The following ZNF239 variants were observed in gnomAD, a reference collection of about 807,000 sequenced individuals.
ZNF239 encodes zinc finger protein (C2H2) homologous to mouse MOK-2.
ZNF239 carries 16 observed loss-of-function variants against 27.5 expected under a neutral mutation model. The ratio of observed to expected loss-of-function variants is 0.58; its 90% CI spans 0.39 to 0.88. ZNF239 has a LOEUF of 0.88. Ranked by LOEUF, ZNF239 falls within the 40% of genes least tolerant of loss-of-function variation. The probability of loss-of-function intolerance (pLI) is 0.00; values close to 1 mark genes in which losing one functional copy is unlikely to be tolerated. For missense variants in ZNF239, 527 were observed against 551.9 expected (o/e 0.95, Z 0.45); for synonymous variants, 199 against 192.6 (o/e 1.03, Z -0.27).
At chr10:43,566,867 C>T (rs1837688844) in intron 3 of ZNF239, among the ~76,000 whole-genome samples, 1 of 152,138 alleles carries the variant, frequency 6.6e-6, no homozygotes, top group Non-Finnish European at 1.5e-5. Context: ...TTGCCTTAGA[C>T]TAGATATCTA....
At position 43,563,504 on chromosome 10, in the gene ZNF239, T is replaced by C. The variant is rs1837415771; in HGVS notation, c.-93+4395A>G. ...AAAATTTTAATACATATACTTGTAA[T>C]GTACATACATAAGTACAGAGTCCAT... On this transcript the variant is annotated intron_variant, in intron 3 of 3. Coordinates refer to ENST00000374446, the MANE Select transcript of ZNF239 (RefSeq NM_001099282.2). Among the ~76,000 whole-genome samples, 4 of 152,348 alleles carry C rather than the reference T, an allele frequency of 2.6e-5. No individual in the cohort carries two copies. In the South Asian group the frequency reaches 8.3e-4, roughly 32 times the overall value.
At chr10:43,574,136 A>T (rs1251697126) in intron 1 of ZNF239, among the ~76,000 whole-genome samples, 4 of 152,172 alleles carry the variant, frequency 2.6e-5, no homozygotes, top group Non-Finnish European at 4.4e-5. Context: ...TCAGTCTCTT[A>T]CAGGAGCCCC....
rs775199799 is a variant in ZNF239 at position 43,557,363 on chromosome 10, T to A, written c.717A>T (p.Gln239His). The change falls in exon 4 of 4, where the codon CAA becomes CAT. Residue 239 changes from glutamine (Q) to histidine (H), a missense_variant. Transcript: ENST00000374446. The stretch of plus-strand genomic sequence containing the variant: ...AGCTCCTTGTGAAGCCCTTCCCACA[T>A]TGCTCACATTTGTAGGGTTTTTCTT... ...HTEEKPYKCE[Q>H]CGKGFTRSSS... The A allele has an allele frequency of 6.2e-7, 1 of 1,614,200 alleles. No individual in the cohort carries two copies. The highest frequency in any genetic ancestry group is 8.5e-7 in the Non-Finnish European group (1 of 1,180,032).
At chr10:43,573,842 T>A (rs1838184929) in intron 1 of ZNF239, among the ~76,000 whole-genome samples, 165 bp from the exon 2 acceptor site, 1 of 152,128 alleles carries the variant, frequency 6.6e-6, no homozygotes, top group African/African-American at 2.4e-5. Context: ...ACCACCTTCA[T>A]CTCTCTCCAC....
chr10:43,557,642 A>C lies in ZNF239; in HGVS notation c.438T>G (p.Ser146=). The C allele has an allele frequency of 6.2e-7, 1 of 1,614,192 alleles. No individual in the cohort carries two copies. The change falls in exon 4 of 4, where the codon TCT becomes TCG. Residue 146 remains serine, a synonymous_variant. Coordinates refer to ENST00000374446, the MANE Select transcript of ZNF239 (RefSeq NM_001099282.2). ...ATCQNGQLKE[S]LDPIDCNCKD... Reference sequence around the variant, plus strand: ...TGCAGTTACAGTCAATGGGATCCAAAGATTCTTTTAACTGGCCATTCTGGC... The same window carrying C: ...TGCAGTTACAGTCAATGGGATCCAACGATTCTTTTAACTGGCCATTCTGGC...
At chr10:43,573,785 T>TTC in intron 1 of ZNF239, 108 bp from the exon 2 acceptor site, 1 of 264,788 alleles carries the variant, frequency 3.8e-6, no homozygotes, top group Non-Finnish European at 5.8e-6. Context: ...TTCAGTCACT[T>TTC]CCACCCACAC....
intron 2 of ZNF239, among the ~76,000 whole-genome samples, chr10:43,569,037 G>T (rs1413404637): frequency 6.6e-6 from 1 of 152,040 alleles, no homozygotes; most frequent in East Asian, 1.9e-4. Flanking sequence ...CACTTAACAG[G>T]CCCCAACAGA....
chr10:43,557,821 G>T lies in ZNF239; in HGVS notation c.259C>A (p.Gln87Lys). Residue 87 changes from glutamine to lysine, a missense_variant, in exon 4 of 4, where the codon CAG becomes AAG. Gln to Lys is a moderately conservative substitution (Grantham distance 53). Transcript: ENST00000374446. ...AGACGTCTGCTTTCCTGATGATCCT[G>T]AGGCTCATTCTTACAGAACTTCACT... ...SSVKFCKNEPQDHQESRRLFV... is the reference protein window; with the variant it reads ...SSVKFCKNEPKDHQESRRLFV... The T allele has an allele frequency of 6.2e-7, 1 of 1,614,192 alleles. No homozygotes were observed. Among genetic ancestry groups the T allele is most frequent in the Non-Finnish European group, 8.5e-7 (1 of 1,180,038 alleles).
chr10:43,566,162 TC>T (rs1405472951), intron 3 of ZNF239, among the ~76,000 whole-genome samples: 1 of 152,110 alleles, frequency 6.6e-6, no homozygotes. Flanking sequence ...CCTGTAGCAT[TC>T]TCTTTACTCC....
chr10:43,564,433 C>T (rs1489167466), intron 3 of ZNF239: 1 of 190,678 alleles, frequency 5.2e-6, no homozygotes, highest in Non-Finnish European at 9.7e-6. Flanking sequence ...GACTTTAGGG[C>T]AACATCTGTG....
chr10:43,561,362 CAAAG>C (rs959073228), intron 3 of ZNF239, among the ~76,000 whole-genome samples: 5 of 151,816 alleles, frequency 3.3e-5, no homozygotes, highest in African/African-American at 4.8e-5. Context: ...AACAAACAAA[CAAAG>C]AAACAGAAAA....
rs368764611 is a variant in ZNF239, at chr10:43,557,318, C to G, written c.762G>C (p.Gln254His). The change falls in exon 4 of 4, where the codon CAG becomes CAC. Residue 254 changes from glutamine to histidine, a missense_variant. Transcript: ENST00000374446. Reference protein sequence around the residue: ...FTRSSSLLIHQAVHTDEKPYK... With the variant: ...FTRSSSLLIHHAVHTDEKPYK... Reference sequence around the variant, plus strand: ...AAGGCTTCTCATCTGTGTGGACTGCCTGATGGATAAGCAGACTCGAGCTCC... The same window carrying G: ...AAGGCTTCTCATCTGTGTGGACTGCGTGATGGATAAGCAGACTCGAGCTCC... 4.3e-6 allele frequency: 7 copies of G among 1,614,030 alleles called. No individual in the cohort carries two copies. In the East Asian group the frequency reaches 1.6e-4, roughly 36 times the overall value.
intron 1 of ZNF239, 110 bp downstream of exon 1, chr10:43,574,430 C>G (rs1327942043): frequency 6.6e-6 from 1 of 152,258 alleles, no homozygotes; most frequent in South Asian, 2.1e-4. Flanking sequence ...CTACCATCGC[C>G]GCCCTCCCGG....
At position 43,557,846 on chromosome 10, in the gene ZNF239, T is replaced by C. The variant is rs1836908146; in HGVS notation, c.234A>G (p.Ser78=). ...GAGGCTCATTCTTACAGAACTTCAC[T>C]GAAGAGTCTTGTGTGTCTATTTGGC... ...VSSQIDTQDS[S]VKFCKNEPQD... The change falls in exon 4 of 4, where the codon TCA becomes TCG. Residue 78 remains serine, a synonymous_variant. Coordinates refer to ENST00000374446, the MANE Select transcript of ZNF239 (RefSeq NM_001099282.2). The C allele has an allele frequency of 1.2e-6, 2 of 1,614,250 alleles. No individual in the cohort carries two copies. Among genetic ancestry groups the C allele is most frequent in the African/African-American group, 1.3e-5 (1 of 75,078 alleles).
At chr10:43,572,966 T>A (rs1425118310) in intron 2 of ZNF239, among the ~76,000 whole-genome samples, 1 of 152,162 alleles carries the variant, frequency 6.6e-6, no homozygotes, top group East Asian at 1.9e-4. Flanking sequence ...AGAGAGATAT[T>A]TCACAATAAA....
chr10:43,572,552 C>G (rs1449488413), intron 2 of ZNF239, among the ~76,000 whole-genome samples: 1 of 152,196 alleles, frequency 6.6e-6, no homozygotes, highest in Non-Finnish European at 1.5e-5. Flanking sequence ...AAAGAACAGC[C>G]TGAAGGAAGA....
chr10:43,568,354 G>A (rs1033849107), intron 2 of ZNF239: 3 of 985,122 alleles, frequency 3.0e-6, no homozygotes, highest in Non-Finnish European at 3.6e-6. Context: ...CTTAACACTC[G>A]CAGGAACAAT....
chr10:43,556,947 T>C lies in ZNF239; in HGVS notation c.1133A>G (p.Tyr378Cys), dbSNP rs190762635. The C allele has an allele frequency of 5.1e-4, 825 of 1,613,336 alleles. 1 individual carries two copies. Among genetic ancestry groups the C allele is most frequent in the Non-Finnish European group, 6.2e-4 (728 of 1,179,868 alleles). Residue 378 changes from tyrosine to cysteine, a missense_variant, in exon 4 of 4, where the codon TAT becomes TGT. Coordinates refer to ENST00000374446, the MANE Select transcript of ZNF239 (RefSeq NM_001099282.2). ...IHTGEKPYQC[Y>C]ECGKGFSQSS... ...CTGGCTGAAACCCTTCCCACACTCA[T>C]AGCATTGGTAAGGCTTCTCTCCTGT...
intron 3 of ZNF239, among the ~76,000 whole-genome samples, chr10:43,560,517 C>T (rs974222406): frequency 6.6e-6 from 1 of 152,058 alleles, no homozygotes; most frequent in African/African-American, 2.4e-5. Context: ...TCAGCCCTAG[C>T]CCTTAGCCCA....
Sources: allele counts gnomAD v4.1 joint callset (sites outside exome capture counted in the v4.1 genomes callset), GRCh38; gene constraint gnomAD v4.1.1; transcripts MANE v1.5; gene names NCBI Gene and HGNC (gene_info 2026-07-23, HGNC 2026-07-21).